Variants in NPHP4 observed in about 807,000 individuals in gnomAD.
The protein encoded by NPHP4 is nephrocystin-4.
In NPHP4, 151 loss-of-function variants were observed where a neutral mutation model predicts 155.8. The observed-to-expected ratio is 0.97, with a 90% confidence interval of 0.85 to 1.11. The LOEUF (loss-of-function observed/expected upper bound fraction) is 1.11. Among genes scored for constraint, NPHP4 ranks in the 50% least tolerant of loss-of-function variants. The pLI, the probability that NPHP4 is intolerant of heterozygous loss-of-function variation, is 0.00. For missense variants in NPHP4, 1,956 were observed against 1,925.7 expected (o/e 1.02, Z -0.29); for synonymous variants, 845 against 816.8 (o/e 1.03, Z -0.59).
chr1:5,991,969 G>T (rs954918709), intron 1 of NPHP4, among the ~76,000 whole-genome samples: 1 of 151,694 alleles, frequency 6.6e-6, no homozygotes, highest in African/African-American at 2.4e-5. Context: ...AAGGGCAAGG[G>T]CAGAAAGGAA....
intron 3 of NPHP4, among the ~76,000 whole-genome samples, chr1:5,971,381 A>C (rs1046392006): frequency 2.0e-5 from 3 of 152,244 alleles, no homozygotes; most frequent in African/African-American, 7.2e-5. Context: ...TGAAAAGTTC[A>C]GATGGTTGTA....
At chr1:5,868,265 T>C (rs1431205389) in intron 23 of NPHP4, 4 of 368,204 alleles carry the variant, frequency 1.1e-5, no homozygotes, top group Non-Finnish European at 2.1e-5. Context: ...TGTGCGCAAG[T>C]CAGGCCAGGA....
At chr1:5,938,155 C>T (rs908994986) in intron 9 of NPHP4, among the ~76,000 whole-genome samples, 14 of 152,344 alleles carry the variant, frequency 9.2e-5, no homozygotes, top group African/African-American at 1.4e-4. Context: ...ACACAAGCGG[C>T]GGGTGGCTCC....
At chr1:5,947,758 G>A (rs1013056798) in intron 8 of NPHP4, among the ~76,000 whole-genome samples, 4 of 152,136 alleles carry the variant, frequency 2.6e-5, no homozygotes, top group African/African-American at 9.7e-5. Flanking sequence ...TCCGTCCTAT[G>A]AGAAACTAAT....
At chr1:5,963,692 T>TC (rs1273818010) in intron 5 of NPHP4, among the ~76,000 whole-genome samples, 3 of 146,722 alleles carry the variant, frequency 2.0e-5, no homozygotes, top group African/African-American at 7.4e-5. Context: ...TTCTTTTCTT[T>TC]TTTTTTTTTT....
Position 5,986,238 on chromosome 1 carries a change from G to A in NPHP4, c.52C>T (p.Pro18Ser), listed in dbSNP as rs1338559837. Residue 18 changes from proline (P) to serine (S), a missense_variant, in exon 2 of 30, where the codon CCA (proline) becomes TCA (serine). By Grantham distance (74) the Pro-to-Ser change is moderately conservative. Coordinates refer to ENST00000378156, the MANE Select transcript of NPHP4 (RefSeq NM_015102.5). ...FTQNVLVPPH[P>S]QRARQPWKES... The stretch of plus-strand genomic sequence containing the variant: ...TTCCAAGGCTGGCGCGCTCTCTGTG[G>A]GTGGGGAGGGACAAGCACGTTTTGG... 2 of 1,613,912 alleles carry A rather than the reference G, an allele frequency of 1.2e-6. No homozygotes were observed. Among genetic ancestry groups the A allele is most frequent in the Non-Finnish European group, 1.7e-6 (2 of 1,179,872 alleles).
intron 11 of NPHP4, among the ~76,000 whole-genome samples, chr1:5,916,048 A>G (rs1645452667): frequency 6.6e-6 from 1 of 152,210 alleles, no homozygotes; most frequent in Non-Finnish European, 1.5e-5. Context: ...GACCCCTTCT[A>G]CATGGCTGTT....
At position 5,864,502 on chromosome 1, in the gene NPHP4, C is replaced by T. The variant is rs1305595456; in HGVS notation, c.3832G>A (p.Val1278Ile). 1 of 1,586,434 alleles carries T rather than the reference C, an allele frequency of 6.3e-7. No individual in the cohort carries two copies. Among genetic ancestry groups the T allele is most frequent in the Admixed American group, 1.8e-5 (1 of 56,410 alleles). Residue 1278 changes from valine (V) to isoleucine (I), a missense_variant, in exon 28 of 30, where the codon GTC becomes ATC. Transcript: ENST00000378156. ...PQELKTDPKG[V>I]FVLPPRGVQD... ...ACCCCACGAGGCGGCAGCACGAAGA[C>T]ACCTTTGGGGTCTGTCTTCAAGAGC...
chr1:5,970,724 C>G (rs1202750434), intron 3 of NPHP4, among the ~76,000 whole-genome samples: 1 of 152,068 alleles, frequency 6.6e-6, no homozygotes, highest in Non-Finnish European at 1.5e-5. Flanking sequence ...GCTGGTCTTC[C>G]GCTCTATGAC....
At chr1:5,947,055 C>G in intron 9 of NPHP4, 49 bp downstream of exon 9, 1 of 1,609,098 alleles carries the variant, frequency 6.2e-7, no homozygotes, top group South Asian at 1.1e-5. Context: ...TATCCTCACA[C>G]ACAGAGTTCA....
intron 9 of NPHP4, among the ~76,000 whole-genome samples, chr1:5,938,171 T>C (rs1446353123): frequency 1.3e-5 from 2 of 152,192 alleles, no homozygotes; most frequent in Non-Finnish European, 1.5e-5. Context: ...GCTCCGGAAC[T>C]CAGAGCTCAG....
At chr1:5,871,989 C>T (rs1310514128) in intron 23 of NPHP4, among the ~76,000 whole-genome samples, 1 of 150,688 alleles carries the variant, frequency 6.6e-6, no homozygotes, top group Non-Finnish European at 1.5e-5. Flanking sequence ...GTGAAGAGAT[C>T]ATATTTCTGA....
At chr1:5,880,045 ACG>A in intron 19 of NPHP4, 67 bp downstream of exon 19, 1 of 1,565,982 alleles carries the variant, frequency 6.4e-7, no homozygotes, top group South Asian at 1.1e-5. Flanking sequence ...ACACACACAC[ACG>A]CAGTCTTCCA....
chr1:5,872,120 T>A (rs904534981), intron 23 of NPHP4, among the ~76,000 whole-genome samples: 2 of 152,224 alleles, frequency 1.3e-5, no homozygotes, highest in African/African-American at 4.8e-5. Context: ...AGTGAAAGCA[T>A]CCTGCAAATT....
chr1:5,939,082 A>G (rs756279427), intron 9 of NPHP4, among the ~76,000 whole-genome samples: 26 of 152,248 alleles, frequency 1.7e-4, no homozygotes, highest in Admixed American at 9.8e-4. Context: ...GAGATACTTC[A>G]TGGCAAAGCT....
Position 5,877,205 on chromosome 1 carries a change from T to C in NPHP4, c.2705A>G (p.Gln902Arg). 1 of 1,606,386 alleles carries C rather than the reference T, an allele frequency of 6.2e-7. No homozygotes were observed. Among genetic ancestry groups the C allele is most frequent in the Non-Finnish European group, 8.5e-7 (1 of 1,175,954 alleles). ...LTHARQGKGP[Q>R]DVSRESDATR... ...GGCATCCGACTCGCGGCTGACGTCC[T>C]GGGGCCCCTTGCCCTGCCGGGCATG... The change falls in exon 20 of 30, where the codon CAG (glutamine) becomes CGG (arginine). Residue 902 changes from glutamine to arginine, a missense_variant. Coordinates refer to ENST00000378156, the MANE Select transcript of NPHP4 (RefSeq NM_015102.5).
intron 11 of NPHP4, among the ~76,000 whole-genome samples, chr1:5,915,383 G>C (rs767744073): frequency 6.6e-6 from 1 of 152,214 alleles, no homozygotes; most frequent in East Asian, 1.9e-4. Context: ...TGAAAATAAA[G>C]GATGAGTCAG....
rs923662305 is a variant in NPHP4 at position 5,910,726 on chromosome 1, A to G, written c.1442-1513T>C. 1.3e-5 allele frequency among the ~76,000 whole-genome samples: 2 copies of G among 152,198 alleles called. No individual in the cohort carries two copies. Among genetic ancestry groups the G allele is most frequent in the African/African-American group, 4.8e-5 (2 of 41,434 alleles). On this transcript the variant is annotated intron_variant, in intron 11 of 29. Coordinates refer to ENST00000378156, the MANE Select transcript of NPHP4 (RefSeq NM_015102.5). This position sits in a 1 kb window ranked among gnomAD's most constrained non-coding sequence, Gnocchi z 5.4. ...TCGACCAAGGAGAAACCAAATCCAG[A>G]AAGTGCCGCCCTAACACCAGAGCTG...
intron 1 of NPHP4, among the ~76,000 whole-genome samples, chr1:5,990,855 T>C (rs1208866657): frequency 6.6e-6 from 1 of 152,118 alleles, no homozygotes; most frequent in African/African-American, 2.4e-5. Flanking sequence ...ACCTCCAAAA[T>C]GAGAGCTGTG....
Sources: gnomAD v4.1 joint callset for allele counts (sites outside exome capture counted in the v4.1 genomes callset) on GRCh38, gnomAD v4.1.1 for gene constraint, Gnocchi (gnomAD v3.1) non-coding constraint, MANE v1.5 for transcripts, NCBI Gene and HGNC (gene_info 2026-07-23, HGNC 2026-07-21) for gene names.